The following PAM variants were observed in gnomAD, a reference collection of about 807,000 sequenced individuals.
PAM encodes the protein peptidyl-glycine alpha-amidating monooxygenase.
Under a neutral mutation model 122.1 loss-of-function variants are expected in PAM, and 72 were observed. The observed-to-expected ratio is 0.59, with a 90% CI of 0.49 to 0.72. The LOEUF (loss-of-function observed/expected upper bound fraction) is 0.72. PAM is among the 30% of genes least tolerant of loss of function. The probability of loss-of-function intolerance (pLI) is 0.00; values close to 1 mark genes in which losing one functional copy is unlikely to be tolerated. For synonymous variants in PAM, 389 were observed against 404.4 expected (o/e 0.96, Z 0.46); for missense variants, 1,106 against 1,183.7 (o/e 0.93, Z 0.96).
intron 12 of PAM, 33 bp from the exon 13 acceptor site, chr5:102,959,842 A>T: frequency 6.7e-7 from 1 of 1,490,782 alleles, no homozygotes; most frequent in Non-Finnish European, 9.3e-7. Flanking sequence ...TTATGTGAAT[A>T]GTTGATTTGT....
intron 23 of PAM, among the ~76,000 whole-genome samples, chr5:103,022,374 C>G (rs927253312): frequency 2.6e-5 from 4 of 152,062 alleles, no homozygotes; most frequent in Non-Finnish European, 5.9e-5. Context: ...TAAGAATGTC[C>G]TTCCCTTCCT....
At chr5:102,769,264 A>G (rs1029423966) in intron 1 of PAM, among the ~76,000 whole-genome samples, 1 of 151,998 alleles carries the variant, frequency 6.6e-6, no homozygotes, top group African/African-American at 2.4e-5. Flanking sequence ...CCTTTGTCAG[A>G]TGGATAGTGT....
chr5:103,012,178 G>C (rs574022893), intron 21 of PAM, among the ~76,000 whole-genome samples: 289 of 152,138 alleles, frequency 1.9e-3, no homozygotes, highest in African/African-American at 6.6e-3. Flanking sequence ...TTGTTAGATG[G>C]GTAGTTTGCA....
At chr5:102,823,320 C>A (rs1772602163) in intron 1 of PAM, among the ~76,000 whole-genome samples, 1 of 151,996 alleles carries the variant, frequency 6.6e-6, no homozygotes, top group African/African-American at 2.4e-5. Context: ...GAAATAGAGT[C>A]ATAAGTTGCT....
intron 7 of PAM, among the ~76,000 whole-genome samples, chr5:102,937,516 C>A (rs956158441): frequency 3.3e-5 from 5 of 152,028 alleles, no homozygotes; most frequent in African/African-American, 1.2e-4. Flanking sequence ...TTTTTTCCTT[C>A]TTCTGAAAAG....
chr5:102,914,468 A>C (rs1802513031), intron 5 of PAM, among the ~76,000 whole-genome samples: 1 of 152,094 alleles, frequency 6.6e-6, no homozygotes, highest in Non-Finnish European at 1.5e-5. Context: ...GTTATACAGT[A>C]TATGTCCAGG....
chr5:102,799,617 C>T (rs909022818), intron 1 of PAM, among the ~76,000 whole-genome samples: 5 of 152,058 alleles, frequency 3.3e-5, no homozygotes, highest in South Asian at 4.2e-4. Flanking sequence ...CAAAATGAAA[C>T]GGGTAATGAA....
At chr5:102,759,313 A>C (rs1214816832) in intron 1 of PAM, among the ~76,000 whole-genome samples, 1 of 152,136 alleles carries the variant, frequency 6.6e-6, no homozygotes, top group Non-Finnish European at 1.5e-5. Flanking sequence ...CATGAGTGGT[A>C]GTTAGCAGCT....
intron 1 of PAM, among the ~76,000 whole-genome samples, chr5:102,806,854 A>G (rs568019414): frequency 1.3e-5 from 2 of 152,218 alleles, no homozygotes; most frequent in Non-Finnish European, 2.9e-5. Flanking sequence ...AAAATTTTCT[A>G]CATATTCCAG....
chr5:102,931,425 C>T (rs761674444), intron 7 of PAM, among the ~76,000 whole-genome samples: 13 of 152,124 alleles, frequency 8.5e-5, no homozygotes, highest in Non-Finnish European at 1.3e-4. Context: ...GTTTCCCTCT[C>T]CCCCTTTTTT....
intron 3 of PAM, among the ~76,000 whole-genome samples, chr5:102,897,640 A>C (rs1796578376): frequency 6.6e-6 from 1 of 151,682 alleles, no homozygotes; most frequent in African/African-American, 2.4e-5. Flanking sequence ...CAAATAGCCA[A>C]AGAAATAAGC....
chr5:102,966,280 G>A (rs565783297), intron 14 of PAM, among the ~76,000 whole-genome samples: 7 of 152,138 alleles, frequency 4.6e-5, no homozygotes, highest in Admixed American at 2.0e-4. Context: ...TTTTGAATTG[G>A]TTTCCTAATA....
At chr5:102,780,522 G>C (rs1758432013) in intron 1 of PAM, among the ~76,000 whole-genome samples, 2 of 151,924 alleles carry the variant, frequency 1.3e-5, no homozygotes, top group Admixed American at 6.6e-5. Context: ...GTGATTTGTA[G>C]GACATTTGAG....
chr5:102,853,652 C>T (rs1781878629), intron 1 of PAM, among the ~76,000 whole-genome samples: 2 of 152,170 alleles, frequency 1.3e-5, no homozygotes, highest in South Asian at 4.1e-4. Flanking sequence ...GAGCATTTAT[C>T]AATACCATCT....
intron 1 of PAM, among the ~76,000 whole-genome samples, chr5:102,862,549 A>G (rs1413604772): frequency 6.6e-6 from 1 of 152,156 alleles, no homozygotes; most frequent in Non-Finnish European, 1.5e-5. Context: ...TTTGGTAGTC[A>G]TTTTTATTTG....
At chr5:103,021,606 A>C (rs1307375567) in intron 23 of PAM, among the ~76,000 whole-genome samples, 2 of 152,150 alleles carry the variant, frequency 1.3e-5, no homozygotes, top group African/African-American at 4.8e-5. Context: ...TCAAACAGTA[A>C]ATTTTATTGA....
intron 1 of PAM, among the ~76,000 whole-genome samples, chr5:102,764,579 C>G (rs139889567): frequency 1.3e-5 from 2 of 152,098 alleles, no homozygotes; most frequent in South Asian, 2.1e-4. Flanking sequence ...TCCAGAAATA[C>G]GGGGCGTGAG....
At chr5:102,809,589 C>T (rs187568470) in intron 1 of PAM, among the ~76,000 whole-genome samples, 335 of 152,250 alleles carry the variant, frequency 2.2e-3, no homozygotes, top group Middle Eastern at 6.8e-3. Flanking sequence ...GACTGTCCCT[C>T]CCTAGAGAAA....
chr5:102,819,303 A>G (rs1285717857), intron 1 of PAM, among the ~76,000 whole-genome samples: 1 of 152,164 alleles, frequency 6.6e-6, no homozygotes, highest in African/African-American at 2.4e-5. Context: ...AACAACAACA[A>G]TGAAACAACC....
Sources: gnomAD v4.1 joint callset for allele counts (sites outside exome capture counted in the v4.1 genomes callset) on GRCh38, gnomAD v4.1.1 for gene constraint, MANE v1.5 for transcripts, NCBI Gene and HGNC (gene_info 2026-07-23, HGNC 2026-07-21) for gene names.